SLC25A48: variants seen among roughly 807,000 people sequenced by gnomAD.
SLC25A48 encodes the protein CTC-321K16.1.
Under a neutral mutation model 32.2 loss-of-function variants are expected in SLC25A48, and 29 were observed. The ratio of observed to expected loss-of-function variants is 0.90; its 90% CI spans 0.67 to 1.23. SLC25A48 has a LOEUF of 1.23. Ranked by LOEUF, SLC25A48 falls within the 50% of genes most tolerant of loss-of-function variation. The probability of loss-of-function intolerance (pLI) is 0.00; values close to 1 mark genes in which losing one functional copy is unlikely to be tolerated. For synonymous variants in SLC25A48, 164 were observed against 172.3 expected, an observed-to-expected ratio of 0.95 and a Z score of 0.38; for missense variants, 399 against 422.7, an observed-to-expected ratio of 0.94 and a Z score of 0.49.
intron 3 of SLC25A48, chr5:135,652,414 C>T: frequency 2.2e-6 from 1 of 456,236 alleles, no homozygotes; most frequent in Non-Finnish European, 4.4e-6. Context: ...AAATGCCTAT[C>T]CACCATTATG....
chr5:135,810,384 G>C (rs372615563), intron 3 of SLC25A48, among the ~76,000 whole-genome samples: 3 of 152,226 alleles, frequency 2.0e-5, no homozygotes, highest in East Asian at 3.9e-4. Flanking sequence ...TTGTCTTTTT[G>C]TTTTGGGTAA....
intron 3 of SLC25A48, among the ~76,000 whole-genome samples, chr5:135,769,959 C>A (rs899578993): frequency 6.6e-5 from 10 of 150,858 alleles, no homozygotes; most frequent in African/African-American, 2.4e-4. Flanking sequence ...GTATTACTCC[C>A]AATTTCGCAG....
chr5:135,613,551 T>C (rs1752121010), intron 1 of SLC25A48, among the ~76,000 whole-genome samples: 1 of 152,220 alleles, frequency 6.6e-6, no homozygotes, highest in Non-Finnish European at 1.5e-5. Flanking sequence ...AGTGGTATTA[T>C]AGTTTCAGGT....
At chr5:135,604,606 G>A (rs566959782) in intron 1 of SLC25A48, among the ~76,000 whole-genome samples, 6 of 152,324 alleles carry the variant, frequency 3.9e-5, no homozygotes, top group African/African-American at 1.4e-4. Flanking sequence ...CAACCTTGTA[G>A]TTAACAGTTG....
chr5:135,594,890 A>G (rs938879751), intron 1 of SLC25A48, among the ~76,000 whole-genome samples: 5 of 152,180 alleles, frequency 3.3e-5, no homozygotes, highest in African/African-American at 1.2e-4. Context: ...CAGGAGGCCC[A>G]ATGATCATGA....
chr5:135,823,983 T>C (rs1487474681), intron 4 of SLC25A48, among the ~76,000 whole-genome samples: 1 of 151,980 alleles, frequency 6.6e-6, no homozygotes, highest in Non-Finnish European at 1.5e-5. Flanking sequence ...GTCAGTTGAG[T>C]TCCTATTGTG....
intron 3 of SLC25A48, chr5:135,802,944 T>C (rs1486894854): frequency 6.6e-6 from 1 of 151,592 alleles, no homozygotes; most frequent in East Asian, 1.9e-4. Flanking sequence ...GTGATATTCA[T>C]AATATCCTAG....
intron 3 of SLC25A48, among the ~76,000 whole-genome samples, chr5:135,710,980 T>G (rs17737205): frequency 1.3e-5 from 2 of 151,970 alleles, no homozygotes; most frequent in East Asian, 1.9e-4. Context: ...AAGCTTTGAT[T>G]TGAAATATAA....
chr5:135,706,719 G>T (rs555787056), intron 3 of SLC25A48, among the ~76,000 whole-genome samples: 4 of 152,176 alleles, frequency 2.6e-5, no homozygotes, highest in African/African-American at 9.6e-5. Context: ...GGACGAGAGG[G>T]GTAAGGGGCA....
At chr5:135,632,664 G>C (rs1264254708) in intron 2 of SLC25A48, among the ~76,000 whole-genome samples, 4 of 152,164 alleles carry the variant, frequency 2.6e-5, no homozygotes, top group Non-Finnish European at 5.9e-5. Context: ...TCAAACCCAT[G>C]TTTTGAACTA....
chr5:135,691,350 G>A (rs1293901066), intron 3 of SLC25A48, among the ~76,000 whole-genome samples: 1 of 152,192 alleles, frequency 6.6e-6, no homozygotes, highest in Admixed American at 6.5e-5. Context: ...TAAAAAGCAC[G>A]GGTTGTATGG....
In SLC25A48 at chr5:135,874,143, G is replaced by A; in HGVS notation, c.802G>A (p.Glu268Lys). ...LDCISQSYQKEGLKVFFRGIT... is the reference protein window; with the variant it reads ...LDCISQSYQKKGLKVFFRGIT... ...CTGTATCTCCCAGAGTTACCAGAAG[G>A]AAGGTCTTAAAGTAAGCCCACAGCA... The change falls in exon 6 of 8, where the codon GAA (glutamate) becomes AAA (lysine). Residue 268 changes from glutamate to lysine, a missense_variant. By Grantham distance (56) the Glu-to-Lys change is moderately conservative (BLOSUM62 1). Coordinates refer to ENST00000681962, the MANE Select transcript of SLC25A48 (RefSeq NM_001349336.2). The A allele has an allele frequency of 1.4e-6, 2 of 1,471,100 alleles. No homozygotes were observed. The highest frequency in any genetic ancestry group is 1.8e-6 in the Non-Finnish European group (2 of 1,120,592). The allele number at this position is 1,471,100 out of a possible 1,614,324, so 91.1% of individuals were successfully genotyped here.
At chr5:135,621,683 A>G (rs1320919541) in intron 1 of SLC25A48, among the ~76,000 whole-genome samples, 2 of 151,898 alleles carry the variant, frequency 1.3e-5, no homozygotes, top group Non-Finnish European at 2.9e-5. Context: ...AAGGCAATTC[A>G]TCCACTACTA....
At chr5:135,635,314 C>T (rs187913378) in intron 3 of SLC25A48, among the ~76,000 whole-genome samples, 20 of 152,278 alleles carry the variant, frequency 1.3e-4, no homozygotes, top group African/African-American at 3.4e-4. Flanking sequence ...GCTGAAACTG[C>T]GTTTATTGAG....
intron 3 of SLC25A48, among the ~76,000 whole-genome samples, chr5:135,711,953 T>C (rs1754677561): frequency 6.8e-6 from 1 of 147,552 alleles, no homozygotes; most frequent in Admixed American, 6.8e-5. Flanking sequence ...CACCCAGGCA[T>C]CCTGCAGGCC....
At chr5:135,755,950 C>G (rs1400645395) in intron 3 of SLC25A48, among the ~76,000 whole-genome samples, 1 of 151,936 alleles carries the variant, frequency 6.6e-6, no homozygotes, top group Non-Finnish European at 1.5e-5. Context: ...TGTCAACGCA[C>G]TATACTAATG....
intron 5 of SLC25A48, among the ~76,000 whole-genome samples, chr5:135,873,622 G>A (rs933216257): frequency 6.6e-6 from 1 of 152,120 alleles, no homozygotes; most frequent in Non-Finnish European, 1.5e-5. Flanking sequence ...CTGGTGCCCT[G>A]GGAAGGTGCT....
At position 135,874,156 on chromosome 5, in the gene SLC25A48, T is replaced by C; in HGVS notation, c.813+2T>C. The C allele has an allele frequency of 6.9e-7, 1 of 1,452,220 alleles. No individual in the cohort carries two copies. Among genetic ancestry groups the C allele is most frequent in the Non-Finnish European group, 9.0e-7 (1 of 1,111,262 alleles). 90.0% of individuals were successfully genotyped at this position (1,452,220 alleles called of 1,614,324 possible). On this transcript the variant is annotated splice_donor_variant, in intron 6 of 7. Transcript: ENST00000681962. LOFTEE classifies it high-confidence loss of function. ...AGTTACCAGAAGGAAGGTCTTAAAG[T>C]AAGCCCACAGCAGGCCTGCGGGGTC...
At chr5:135,793,380 G>T (rs540743906) in intron 3 of SLC25A48, among the ~76,000 whole-genome samples, 4 of 150,158 alleles carry the variant, frequency 2.7e-5, no homozygotes, top group Admixed American at 6.7e-5. Context: ...GATATTATTC[G>T]TAGTATTTTG....
Sources: gnomAD v4.1 joint callset for allele counts (sites outside exome capture counted in the v4.1 genomes callset) on GRCh38, gnomAD v4.1.1 for gene constraint, MANE v1.5 for transcripts, NCBI Gene and HGNC (gene_info 2026-07-23, HGNC 2026-07-21) for gene names.